FLT4: variants seen among roughly 807,000 people sequenced by gnomAD.
FLT4 encodes fms related receptor tyrosine kinase 4.
A neutral mutation model predicts 163.2 loss-of-function variants in FLT4; 30 were observed. The ratio of observed to expected loss-of-function variants is 0.18; its 90% CI spans 0.14 to 0.25. FLT4 has a LOEUF of 0.25. FLT4 is among the 10% of genes least tolerant of loss of function. The pLI is 1.00. For missense variants in FLT4, 1,510 were observed against 1,863.8 expected (o/e 0.81, Z 3.50); for synonymous variants, 884 against 789.5 (o/e 1.12, Z -2.01).
At position 180,620,519 on chromosome 5, in the gene FLT4, T is replaced by C. The variant is rs1275939640; in HGVS notation, c.2406+90A>G. On this transcript the variant is annotated intron_variant, in intron 16 of 29. Transcript: ENST00000261937. The surrounding 1 kb of genome is among the most constrained non-coding windows in gnomAD (Gnocchi z 4.4). ...CAGGAAACAAGGCTGCCAGGTGAAC[T>C]AGGGCGGGCACCTTATTCTTTATCT... is the stretch of plus-strand genomic sequence containing the variant. 1 of 1,214,490 alleles carries C rather than the reference T, an allele frequency of 8.2e-7. No individual in the cohort carries two copies. The highest frequency in any genetic ancestry group is 1.2e-6 in the Non-Finnish European group (1 of 828,880). The allele number at this position is 1,214,490 out of a possible 1,614,324, so 75.2% of individuals were successfully genotyped here. A position where few individuals can be genotyped will look rare whatever the true frequency, so the allele number is the denominator to read the frequency against.
chr5:180,613,964 C>T, intron 24 of FLT4, 104 bp downstream of exon 24: 1 of 838,110 alleles, frequency 1.2e-6, no homozygotes, highest in Non-Finnish European at 2.1e-6. Flanking sequence ...CGACCTGGCA[C>T]ACACCTCCAG....
At position 180,639,323 on chromosome 5, in the gene FLT4, GTGGATGGATGGACAGACAGATGAA is replaced by G. The variant is rs1485630162; in HGVS notation, c.59-7569_59-7546del. Among the ~76,000 whole-genome samples the G allele has an allele frequency of 2.5e-3, 254 of 101,092 alleles. 3 individuals are homozygous for G. The highest frequency in any genetic ancestry group is 7.7e-3 in the African/African-American group (236 of 30,650). The allele number at this position is 101,092 out of a possible 152,430, so 66.3% of individuals were successfully genotyped here. A position where few individuals can be genotyped will look rare whatever the true frequency, so the allele number is the denominator to read the frequency against. On this transcript the variant is annotated intron_variant, in intron 1 of 29. Coordinates refer to ENST00000261937, the MANE Select transcript of FLT4 (RefSeq NM_182925.5). ...GGTGGGTGAGTAGAAGGATGGATGG[GTGGATGGATGGACAGACAGATGAA>G]TGGATGGATGGACAGGTAGATGAGT... is the stretch of plus-strand genomic sequence containing the variant.
intron 23 of FLT4, among the ~76,000 whole-genome samples, chr5:180,615,470 C>CCTTG (rs1762598579): frequency 9.6e-6 from 1 of 103,766 alleles, no homozygotes. Flanking sequence ...TTCTCCACTT[C>CCTTG]CGAAATCCAC....
At chr5:180,625,792 GCTGTAAAGGAGGTTCCT>G in intron 10 of FLT4, 60 bp downstream of exon 10, 1 of 1,356,896 alleles carries the variant, frequency 7.4e-7, no homozygotes, top group African/African-American at 1.4e-5. Context: ...AGTGAGGGGT[GCTGTAAAGGAGGTTCCT>G]CATGGCTGAG....
chr5:180,619,863 G>T (rs1284298342), intron 17 of FLT4, 94 bp from the exon 18 acceptor site: 2 of 923,742 alleles, frequency 2.2e-6, no homozygotes, highest in Admixed American at 1.9e-5. Context: ...GGTCCAGGAG[G>T]ACAGGCCTGG....
In FLT4 at chr5:180,631,754, G is replaced by T. The variant is rs756087973; in HGVS notation, c.83C>A (p.Thr28Asn). ...LDGLVSGYSM[T>N]PPTLNITEES... The stretch of plus-strand genomic sequence containing the variant: ...CTCCGTGATGTTCAAGGTCGGGGGG[G>T]TCATGGAGTAGCCACTCACCAGGCC... The change falls in exon 2 of 30, where the codon ACC (threonine) becomes AAC (asparagine). Residue 28 changes from threonine to asparagine, a missense_variant. Thr to Asn is a moderately conservative substitution (Grantham distance 65). Around this residue, in one of 5 missense-constraint regions of FLT4, gnomAD observed 157 missense variants for 178.7 expected, o/e 0.88. Transcript: ENST00000261937. 1.2e-6 allele frequency: 2 copies of T among 1,610,412 alleles called. No homozygotes were observed. Among genetic ancestry groups the T allele is most frequent in the Non-Finnish European group, 8.5e-7 (1 of 1,179,840 alleles).
At chr5:180,631,055 T>C (rs1467150922) in intron 2 of FLT4, among the ~76,000 whole-genome samples, 2 of 151,584 alleles carry the variant, frequency 1.3e-5, no homozygotes, top group African/African-American at 2.4e-5. Context: ...GAGGTACCCA[T>C]CTCTGGGGCC....
chr5:180,613,930 G>T, intron 24 of FLT4, 138 bp downstream of exon 24: 1 of 724,436 alleles, frequency 1.4e-6, no homozygotes, highest in Non-Finnish European at 2.5e-6. Context: ...GCCCTTGGTG[G>T]CCCACAAACC....
At chr5:180,633,148 C>T (rs762721318) in intron 1 of FLT4, among the ~76,000 whole-genome samples, 15 of 152,208 alleles carry the variant, frequency 9.9e-5, no homozygotes, top group Non-Finnish European at 1.9e-4. Flanking sequence ...CAGGACGGCA[C>T]CTGCTGCACA....
At chr5:180,649,417 G>A (rs1265947329) in intron 1 of FLT4, 71 bp downstream of exon 1, 3 of 1,187,392 alleles carry the variant, frequency 2.5e-6, no homozygotes, top group Non-Finnish European at 2.3e-6. Context: ...CTCAGCGCCC[G>A]CCCCAGGTGC....
In FLT4 at chr5:180,636,331, T is replaced by G. The variant is rs898007868; in HGVS notation, c.59-4553A>C. Among the ~76,000 whole-genome samples, 1 of 152,150 alleles carries G rather than the reference T, an allele frequency of 6.6e-6. No individual in the cohort carries two copies. The highest frequency in any genetic ancestry group is 2.4e-5 in the African/African-American group (1 of 41,412). Reference sequence around the variant, plus strand: ...ACTCCGAATGTCCCTTCCTGCCTTATGTGAAGCCTGGCTTTCTGGCCACGG... The same window carrying G: ...ACTCCGAATGTCCCTTCCTGCCTTAGGTGAAGCCTGGCTTTCTGGCCACGG... On this transcript the variant is annotated intron_variant, in intron 1 of 29. Coordinates refer to ENST00000261937, the MANE Select transcript of FLT4 (RefSeq NM_182925.5). This position sits in a 1 kb window ranked among gnomAD's most constrained non-coding sequence, Gnocchi z 4.3.
intron 26 of FLT4, 41 bp downstream of exon 26, chr5:180,612,465 G>T (rs987675784): frequency 6.8e-7 from 1 of 1,473,124 alleles, no homozygotes; most frequent in Admixed American, 1.7e-5. Flanking sequence ...CCAGGGCAGG[G>T]GCCAAAGGCC....
chr5:180,630,492 G>A lies in FLT4; in HGVS notation c.400+63C>T. The A allele has an allele frequency of 2.5e-6, 4 of 1,605,838 alleles. No individual in the cohort carries two copies. In the Admixed American group the frequency reaches 5.0e-5, roughly 20 times the overall value. On this transcript the variant is annotated intron_variant, in intron 3 of 29. Coordinates refer to ENST00000261937, the MANE Select transcript of FLT4 (RefSeq NM_182925.5). The surrounding 1 kb of genome is among the most constrained non-coding windows in gnomAD (Gnocchi z 6.3). ...CTGCCAGCCCAGGGTCCACAGGCTGGGGGCGGTGTGGGCCCCAGCTGCCCG... is the reference window on the plus strand; with the variant it reads ...CTGCCAGCCCAGGGTCCACAGGCTGAGGGCGGTGTGGGCCCCAGCTGCCCG...
At chr5:180,612,768 G>A (rs1489284008) in intron 25 of FLT4, among the ~76,000 whole-genome samples, 157 bp from the exon 26 acceptor site, 1 of 151,708 alleles carries the variant, frequency 6.6e-6, no homozygotes, top group Non-Finnish European at 1.5e-5. Flanking sequence ...TCAAGTGTTA[G>A]CCCAGCGTCC....
In FLT4 at chr5:180,621,288, T is replaced by G. The variant is rs112411817; in HGVS notation, c.2021-36A>C. The G allele has an allele frequency of 5.0e-6, 8 of 1,596,964 alleles. No individual in the cohort carries two copies. In the African/African-American group the frequency reaches 8.0e-5, roughly 16 times the overall value. ...GGGTCGAGAGGGAGCTAAGTGGAGC[T>G]GCACTTAGCAGGAGGACCCTCTTTG... is the stretch of plus-strand genomic sequence containing the variant. On this transcript the variant is annotated intron_variant, in intron 13 of 29. Coordinates refer to ENST00000261937, the MANE Select transcript of FLT4 (RefSeq NM_182925.5).
intron 26 of FLT4, 64 bp downstream of exon 26, chr5:180,612,442 T>C (rs1280293829): frequency 1.6e-6 from 2 of 1,232,644 alleles, no homozygotes; most frequent in Non-Finnish European, 2.4e-6. Context: ...GAGGGGCAGC[T>C]CGGGCCAGGG....
rs1765647743 is a variant in FLT4 at position 180,649,566 on chromosome 5, T to G, written c.-21A>C. ...TGCATCTCCGGCCGCTGCGCGTGGG[T>G]CCGACCCGAGCGGCCGCGGCTCGGG... is the stretch of plus-strand genomic sequence containing the variant. On this transcript the variant is annotated 5_prime_UTR_variant, in exon 1 of 30. Coordinates refer to ENST00000261937, the MANE Select transcript of FLT4 (RefSeq NM_182925.5). 1.4e-6 allele frequency: 2 copies of G among 1,385,114 alleles called. No homozygotes were observed. The highest frequency in any genetic ancestry group is 3.3e-5 in the East Asian group (1 of 30,342). The allele number at this position is 1,385,114 out of a possible 1,614,324, so 85.8% of individuals were successfully genotyped here.
At chr5:180,616,876 G>A (rs773596109) in intron 22 of FLT4, 24 bp downstream of exon 22, 1 of 1,593,272 alleles carries the variant, frequency 6.3e-7, no homozygotes, top group Non-Finnish European at 8.6e-7. Context: ...TTTCCCGTCT[G>A]AAGGGCCTTC....
intron 27 of FLT4, among the ~76,000 whole-genome samples, chr5:180,610,283 G>A (rs1581612747): frequency 6.6e-6 from 1 of 152,234 alleles, no homozygotes; most frequent in South Asian, 2.1e-4. Flanking sequence ...GGAAGTGAGG[G>A]GGCATCCAGC....
Sources: gnomAD v4.1 joint callset for allele counts (sites outside exome capture counted in the v4.1 genomes callset) on GRCh38, gnomAD v4.1.1 for gene constraint, gnomAD v4.1.1 regional missense constraint, Gnocchi (gnomAD v3.1) non-coding constraint, MANE v1.5 for transcripts, NCBI Gene and HGNC (gene_info 2026-07-23, HGNC 2026-07-21) for gene names.